The following COL22A1 variants were observed in gnomAD, a reference collection of about 807,000 sequenced individuals.
COL22A1 encodes collagen type XXII alpha 1 chain.
In COL22A1, 221 loss-of-function variants were observed where a neutral mutation model predicts 248.9. The observed-to-expected ratio is 0.89, with a 90% confidence interval of 0.80 to 0.99. The LOEUF is 0.99. COL22A1 is among the 50% of genes least tolerant of loss of function. COL22A1 has a pLI of 0.00. For synonymous variants in COL22A1, 891 were observed against 793.4 expected, an observed-to-expected ratio of 1.12 and a Z score of -2.07; for missense variants, 2,240 against 2,179.0, an observed-to-expected ratio of 1.03 and a Z score of -0.56.
Position 138,606,456 on chromosome 8 carries a change from C to A in COL22A1, c.4033-4G>T. 1 of 1,613,184 alleles carries A rather than the reference C, an allele frequency of 6.2e-7. No individual in the cohort carries two copies. The highest frequency in any genetic ancestry group is 8.5e-7 in the Non-Finnish European group (1 of 1,179,702). ...CCCCTTTGCTTCCTTTCTGGCCCTG[C>A]AAAGAGAAAACTGAGAATTAATTCC... On this transcript the variant is annotated splice_polypyrimidine_tract_variant and splice_region_variant and intron_variant, in intron 57 of 64. Coordinates refer to ENST00000303045, the MANE Select transcript of COL22A1 (RefSeq NM_152888.3).
chr8:138,782,774 G>GT (rs199992467), intron 12 of COL22A1, among the ~76,000 whole-genome samples: 1,598 of 152,272 alleles, frequency 0.01, 29 homozygotes, highest in African/African-American at 0.036. Context: ...AACAGAATTG[G>GT]GCTTCCTGGT....
At chr8:138,802,128 T>C (rs1817047309) in intron 11 of COL22A1, among the ~76,000 whole-genome samples, 1 of 152,088 alleles carries the variant, frequency 6.6e-6, no homozygotes, top group Non-Finnish European at 1.5e-5. Flanking sequence ...TATTTTATTA[T>C]CCCCATTTTA....
intron 17 of COL22A1, among the ~76,000 whole-genome samples, chr8:138,760,636 A>T (rs1833397771): frequency 1.3e-5 from 2 of 152,116 alleles, no homozygotes; most frequent in Non-Finnish European, 2.9e-5. Flanking sequence ...GGGAGCATAG[A>T]AGGTGGAGTC....
Position 138,793,193 on chromosome 8 carries a change from C to T in COL22A1, c.1596+3626G>A, listed in dbSNP as rs796858358. ...ACCCTCAAACTCAATCCAACCTATG[C>T]GTCAATTACTTTGGAGACAACGGTC... On this transcript the variant is annotated intron_variant, in intron 12 of 64. Transcript: ENST00000303045. 3.7e-4 allele frequency among the ~76,000 whole-genome samples: 56 copies of T among 152,302 alleles called. 1 individual carries two copies. Among genetic ancestry groups the T allele is most frequent in the African/African-American group, 1.3e-3 (56 of 41,566 alleles).
At chr8:138,643,750 A>G (rs1821948298) in intron 47 of COL22A1, among the ~76,000 whole-genome samples, 1 of 152,094 alleles carries the variant, frequency 6.6e-6, no homozygotes, top group African/African-American at 2.4e-5. Flanking sequence ...CCCAGGCTGG[A>G]GTGCAGTGTC....
intron 44 of COL22A1, among the ~76,000 whole-genome samples, chr8:138,658,396 G>A (rs540540993): frequency 6.6e-6 from 1 of 152,126 alleles, no homozygotes; most frequent in Non-Finnish European, 1.5e-5. Context: ...GGGTGCCTTG[G>A]ACACATACCT....
chr8:138,623,285 TG>T (rs1198090259), intron 52 of COL22A1, among the ~76,000 whole-genome samples: 3 of 148,550 alleles, frequency 2.0e-5, no homozygotes. Context: ...TGTGTGTGTG[TG>T]TGTGTGTGTG....
rs563539699 is a variant in COL22A1 at position 138,883,106 on chromosome 8, C to T, written c.67G>A (p.Gly23Ser). The T allele has an allele frequency of 6.3e-6, 10 of 1,591,996 alleles. No homozygotes were observed. In the African/African-American group the frequency reaches 6.7e-5, roughly 11 times the overall value. Residue 23 changes from glycine (G) to serine (S), a missense_variant, in exon 2 of 65, where the codon GGC becomes AGC. By Grantham distance (56) the Gly-to-Ser change is moderately conservative. Coordinates refer to ENST00000303045, the MANE Select transcript of COL22A1 (RefSeq NM_152888.3). Reference protein sequence around the residue: ...LWMLLLWSGGGGCQAQRAGCK... With the variant: ...LWMLLLWSGGSGCQAQRAGCK... ...CCTGCCCGCTGAGCCTGGCAGCCGC[C>T]GCCCCCACTCCACAGCAGCAGCATC...
chr8:138,840,710 T>C, intron 4 of COL22A1, among the ~76,000 whole-genome samples: 1 of 152,106 alleles, frequency 6.6e-6, no homozygotes, highest in Non-Finnish European at 1.5e-5. Context: ...ACCTCAGCTT[T>C]GGCTAATCTT....
At chr8:138,626,376 C>T (rs1243937378) in intron 50 of COL22A1, 133 bp from the exon 51 acceptor site, 3 of 758,014 alleles carry the variant, frequency 4.0e-6, no homozygotes, top group Non-Finnish European at 6.7e-6. Flanking sequence ...GCTTCTGTAT[C>T]AGCCTCATGG....
Position 138,660,843 on chromosome 8 carries a change from CACACACACATACACAG to C in COL22A1, c.3241-379_3241-364del, listed in dbSNP as rs146161509. On this transcript the variant is annotated intron_variant, in intron 43 of 64. Coordinates refer to ENST00000303045, the MANE Select transcript of COL22A1 (RefSeq NM_152888.3). ...ATACACACACATACACACACAGACA[CACACACACATACACAG>C]ACACACAAACACACAGACACACACA... Among the ~76,000 whole-genome samples, 407 of 138,870 alleles carry C rather than the reference CACACACACATACACAG, an allele frequency of 2.9e-3. 2 individuals carry two copies. The highest frequency in any genetic ancestry group is 6.3e-3 in the African/African-American group (222 of 35,454). The allele number at this position is 138,870 out of a possible 152,430, so 91.1% of individuals were successfully genotyped here.
Position 138,743,472 on chromosome 8 carries a change from T to G in COL22A1, c.2086-5895A>C, listed in dbSNP as rs566675173. Among the ~76,000 whole-genome samples, 20 of 151,456 alleles carry G rather than the reference T, an allele frequency of 1.3e-4. No homozygotes were observed. In the East Asian group the frequency reaches 3.9e-3, roughly 30 times the overall value. On this transcript the variant is annotated intron_variant, in intron 22 of 64. Transcript: ENST00000303045. ...GAGTTGATGGTTTTGGTGGTAATGATGGTGATGGTGATGGTGGTGATCGTG... is the reference window on the plus strand; with the variant it reads ...GAGTTGATGGTTTTGGTGGTAATGAGGGTGATGGTGATGGTGGTGATCGTG...
At chr8:138,807,949 A>G (rs964672225) in intron 9 of COL22A1, 137 bp from the exon 10 acceptor site, 3 of 801,274 alleles carry the variant, frequency 3.7e-6, no homozygotes, top group Non-Finnish European at 6.0e-6. Context: ...GAGTTGGGCA[A>G]GGAAATTGGT....
chr8:138,620,997 C>T (rs1819753222), intron 52 of COL22A1, among the ~76,000 whole-genome samples: 1 of 24,396 alleles, frequency 4.1e-5, no homozygotes, highest in Admixed American at 3.6e-4. Context: ...ATCCATCCAC[C>T]CATCCATCCA....
chr8:138,870,961 C>T (rs767054807), intron 3 of COL22A1, among the ~76,000 whole-genome samples: 3 of 151,720 alleles, frequency 2.0e-5, no homozygotes, highest in Non-Finnish European at 4.4e-5. Context: ...GGGGTGTGTG[C>T]ACCCTGAGTT....
chr8:138,876,914 CCA>C lies in COL22A1; in HGVS notation c.658+834_658+835del, dbSNP rs528769252. On this transcript the variant is annotated intron_variant, in intron 3 of 64. Transcript: ENST00000303045. ...CCTGGAGGAGAAGATTACTCAGCACCCACTGTGACTGGAGAAGGACAAATGTC... is the reference window on the plus strand; with the variant it reads ...CCTGGAGGAGAAGATTACTCAGCACCCTGTGACTGGAGAAGGACAAATGTC... 1.6e-4 allele frequency among the ~76,000 whole-genome samples: 25 copies of C among 152,348 alleles called. No homozygotes were observed. The East Asian group carries it at 4.6e-3, about 28-fold the overall frequency.
At chr8:138,659,132 G>A (rs1271805749) in intron 44 of COL22A1, among the ~76,000 whole-genome samples, 2 of 152,190 alleles carry the variant, frequency 1.3e-5, no homozygotes, top group Admixed American at 1.3e-4. Flanking sequence ...TCATTATAAA[G>A]TGAGGTTTAT....
chr8:138,687,252 C>T (rs968814883), intron 37 of COL22A1, among the ~76,000 whole-genome samples: 2 of 152,190 alleles, frequency 1.3e-5, no homozygotes, highest in African/African-American at 2.4e-5. Context: ...CCACCACGCC[C>T]GGCCCATAGG....
intron 30 of COL22A1, among the ~76,000 whole-genome samples, chr8:138,713,536 T>C (rs1829192906): frequency 6.6e-6 from 1 of 152,176 alleles, no homozygotes; most frequent in Non-Finnish European, 1.5e-5. Flanking sequence ...TTCAGACAAA[T>C]AGGCCCGTGG....
Sources: allele counts gnomAD v4.1 joint callset (sites outside exome capture counted in the v4.1 genomes callset), GRCh38; gene constraint gnomAD v4.1.1; transcripts MANE v1.5; gene names NCBI Gene and HGNC (gene_info 2026-07-23, HGNC 2026-07-21).